Variants in CYB5R4 observed in about 807,000 individuals in gnomAD.
CYB5R4 encodes the protein N-terminal cytochrome b5 and cytochrome b5 oxidoreductase domain-containing protein.
CYB5R4 carries 55 observed loss-of-function variants against 70.2 expected under a neutral mutation model. That is an observed-to-expected ratio of 0.78 (90% confidence interval 0.63 to 0.98). The LOEUF is 0.98. Ranked by LOEUF, CYB5R4 falls within the 50% of genes least tolerant of loss-of-function variation. CYB5R4 has a pLI of 0.00. For missense variants in CYB5R4, 562 were observed against 612.6 expected (o/e 0.92, Z 0.87); for synonymous variants, 197 against 199.5 (o/e 0.99, Z 0.11).
intron 14 of CYB5R4, among the ~76,000 whole-genome samples, chr6:83,941,535 G>T (rs533834886): frequency 2.0e-5 from 3 of 152,244 alleles, no homozygotes; most frequent in Middle Eastern, 6.8e-3. Flanking sequence ...TTAGAACTTT[G>T]TTAGCTGTCC....
chr6:83,929,891 A>G lies in CYB5R4; in HGVS notation c.815-4704A>G, dbSNP rs146908227. Among the ~76,000 whole-genome samples the G allele has an allele frequency of 7.6e-3, 1,159 of 152,248 alleles. 15 individuals carry two copies. The highest frequency in any genetic ancestry group is 0.026 in the African/African-American group (1,090 of 41,524). On this transcript the variant is annotated intron_variant, in intron 10 of 15. Transcript: ENST00000369681. ...AAAAAAATTGTCTCACAATTTTGATATGTTAACAGCCACTTACAGGCACAT... is the reference window on the plus strand; with the variant it reads ...AAAAAAATTGTCTCACAATTTTGATGTGTTAACAGCCACTTACAGGCACAT...
At chr6:83,870,564 A>G (rs1427014735) in intron 2 of CYB5R4, among the ~76,000 whole-genome samples, 5 of 151,846 alleles carry the variant, frequency 3.3e-5, no homozygotes, top group Non-Finnish European at 7.4e-5. Flanking sequence ...CAGTTTTTCA[A>G]ATTTGGAACT....
chr6:83,869,075 C>T (rs2099457167), intron 2 of CYB5R4, among the ~76,000 whole-genome samples: 1 of 152,146 alleles, frequency 6.6e-6, no homozygotes, highest in Non-Finnish European at 1.5e-5. Flanking sequence ...TTGATTTCTC[C>T]TTATGCTGAT....
chr6:83,877,282 A>T (rs2099458720), intron 2 of CYB5R4, among the ~76,000 whole-genome samples: 1 of 152,160 alleles, frequency 6.6e-6, no homozygotes, highest in East Asian at 1.9e-4. Context: ...CAGTTTAAAT[A>T]TGTCACCCTA....
chr6:83,916,697 G>A (rs2099465568), intron 5 of CYB5R4, among the ~76,000 whole-genome samples: 1 of 152,110 alleles, frequency 6.6e-6, no homozygotes, highest in African/African-American at 2.4e-5. Context: ...GTAAGGCCTG[G>A]ACTCAGGGCT....
intron 3 of CYB5R4, among the ~76,000 whole-genome samples, chr6:83,898,865 C>A (rs1373827621): frequency 6.6e-6 from 1 of 152,148 alleles, no homozygotes; most frequent in Non-Finnish European, 1.5e-5. Flanking sequence ...AGATTTTGGG[C>A]TGAGATGATG....
chr6:83,884,074 G>T (rs1413322906), intron 2 of CYB5R4, among the ~76,000 whole-genome samples: 1 of 151,476 alleles, frequency 6.6e-6, no homozygotes, highest in Non-Finnish European at 1.5e-5. Flanking sequence ...GGGCTGGGAG[G>T]GAGATTAGTA....
At chr6:83,893,645 A>C in intron 3 of CYB5R4, 23 bp downstream of exon 3, 1 of 1,365,952 alleles carries the variant, frequency 7.3e-7, no homozygotes, top group Non-Finnish European at 1.0e-6. Flanking sequence ...GAAAGTAACC[A>C]AAGTATTCCG....
chr6:83,924,457 ATCT>A lies in CYB5R4; in HGVS notation c.692-8_692-6del, dbSNP rs756782050. On this transcript the variant is annotated splice_polypyrimidine_tract_variant and intron_variant, in intron 9 of 15. Coordinates refer to ENST00000369681, the MANE Select transcript of CYB5R4 (RefSeq NM_016230.4). ...GTATCGATGAACACAAATGGAATTT[ATCT>A]TCTTTTCAGTGCGGGTTGTTGAGAG... The A allele has an allele frequency of 9.3e-6, 15 of 1,610,338 alleles. No homozygotes were observed. In the African/African-American group the frequency reaches 2.0e-4, roughly 22 times the overall value.
At position 83,955,458 on chromosome 6, in the gene CYB5R4, G is replaced by A. The variant is rs755272343; in HGVS notation, c.1507G>A (p.Val503Ile). ...ACCAGTGCCATTTACAGAACAAGGA[G>A]TAAGGTGAGTAACAGTGTAGTAGGA... is the stretch of plus-strand genomic sequence containing the variant. Reference protein sequence around the residue: ...CGPVPFTEQGVRLLHDLNFSK... With the variant: ...CGPVPFTEQGIRLLHDLNFSK... Residue 503 changes from valine (V) to isoleucine (I), a missense_variant, in exon 15 of 16, where the codon GTA (valine) becomes ATA (isoleucine). Physicochemically the swap from Val to Ile is conservative, Grantham distance 29. Coordinates refer to ENST00000369681, the MANE Select transcript of CYB5R4 (RefSeq NM_016230.4). 11 of 1,613,336 alleles carry A rather than the reference G, an allele frequency of 6.8e-6. No homozygotes were observed. In the South Asian group the frequency reaches 1.2e-4, roughly 18 times the overall value.
At chr6:83,944,989 C>A (rs2099470342) in intron 14 of CYB5R4, among the ~76,000 whole-genome samples, 1 of 151,972 alleles carries the variant, frequency 6.6e-6, no homozygotes, top group Admixed American at 6.6e-5. Context: ...GACTTTAACA[C>A]CCTACTGTCA....
At position 83,882,695 on chromosome 6, in the gene CYB5R4, T is replaced by C. The variant is rs1331202969; in HGVS notation, c.230-10827T>C. Among the ~76,000 whole-genome samples the C allele has an allele frequency of 2.0e-5, 3 of 152,248 alleles. No individual in the cohort carries two copies. The East Asian group carries it at 5.8e-4, about 29-fold the overall frequency. ...TGTGCTAAGTAAGTAAGTAAAAGAA[T>C]ATATGATACAGGCCCGGCGTGGTGG... is the stretch of plus-strand genomic sequence containing the variant. On this transcript the variant is annotated intron_variant, in intron 2 of 15. Transcript: ENST00000369681.
intron 9 of CYB5R4, among the ~76,000 whole-genome samples, chr6:83,922,861 T>A (rs2099466617): frequency 6.6e-6 from 1 of 152,142 alleles, no homozygotes; most frequent in Non-Finnish European, 1.5e-5. Context: ...TGATCTTGGT[T>A]CACTGCAACC....
chr6:83,864,474 G>C, intron 2 of CYB5R4, 146 bp downstream of exon 2: 1 of 657,828 alleles, frequency 1.5e-6, no homozygotes, highest in Non-Finnish European at 2.5e-6. Context: ...ATATAATTCT[G>C]ACTTTGGATA....
At chr6:83,908,645 G>C (rs1340622325) in intron 3 of CYB5R4, among the ~76,000 whole-genome samples, 1 of 152,024 alleles carries the variant, frequency 6.6e-6, no homozygotes, top group Non-Finnish European at 1.5e-5. Flanking sequence ...CCACTGCCTT[G>C]ATTAATGCAA....
At chr6:83,887,234 A>G (rs2099460395) in intron 2 of CYB5R4, among the ~76,000 whole-genome samples, 1 of 152,168 alleles carries the variant, frequency 6.6e-6, no homozygotes, top group South Asian at 2.1e-4. Context: ...ATGCTGGATG[A>G]TGCTTTGTCT....
chr6:83,955,159 T>TC, intron 14 of CYB5R4, 139 bp from the exon 15 acceptor site: 1 of 631,382 alleles, frequency 1.6e-6, no homozygotes, highest in Non-Finnish European at 2.5e-6. Context: ...ACAATTTTTT[T>TC]CAGTGTTTTT....
intron 7 of CYB5R4, 93 bp from the exon 8 acceptor site, chr6:83,920,989 A>G (rs2099466289): frequency 1.1e-6 from 1 of 917,036 alleles, no homozygotes; most frequent in Non-Finnish European, 1.5e-6. Context: ...GAAGCACCGT[A>G]TGAAGTACCG....
At chr6:83,949,550 A>G (rs1289375071) in intron 14 of CYB5R4, among the ~76,000 whole-genome samples, 1 of 152,168 alleles carries the variant, frequency 6.6e-6, no homozygotes, top group Non-Finnish European at 1.5e-5. Flanking sequence ...AATTGTAAAT[A>G]TTAAAAAACA....
Sources: allele counts gnomAD v4.1 joint callset (sites outside exome capture counted in the v4.1 genomes callset), GRCh38; gene constraint gnomAD v4.1.1; transcripts MANE v1.5; gene names NCBI Gene and HGNC (gene_info 2026-07-23, HGNC 2026-07-21).